Variants in RABGAP1L observed in about 807,000 individuals in gnomAD.
RABGAP1L encodes the protein rab GTPase-activating protein 1-like.
In RABGAP1L, 63 loss-of-function variants were observed where a neutral mutation model predicts 137.7. That is an observed-to-expected ratio of 0.46 (90% CI 0.37 to 0.56). RABGAP1L has a LOEUF of 0.56. Among genes scored for constraint, RABGAP1L ranks in the 20% least tolerant of loss-of-function variants. RABGAP1L has a pLI of 0.00. For synonymous variants in RABGAP1L, 431 were observed against 433.7 expected (o/e 0.99, Z 0.08); for missense variants, 1,095 against 1,244.0 (o/e 0.88, Z 1.80).
At chr1:174,751,554 A>G (rs1222820200) in intron 17 of RABGAP1L, among the ~76,000 whole-genome samples, 2 of 152,176 alleles carry the variant, frequency 1.3e-5, no homozygotes, top group African/African-American at 4.8e-5. Context: ...AACATTTCTG[A>G]TTGTTACCTT....
intron 13 of RABGAP1L, among the ~76,000 whole-genome samples, chr1:174,619,344 C>T (rs537095406): frequency 1.3e-5 from 2 of 152,146 alleles, no homozygotes; most frequent in Non-Finnish European, 2.9e-5. Flanking sequence ...TTGTCAGATT[C>T]ACCACAGTGG....
In RABGAP1L at chr1:174,438,094, G is replaced by A. The variant is rs186063092; in HGVS notation, c.1710+43949G>A. Among the ~76,000 whole-genome samples, 513 of 152,168 alleles carry A rather than the reference G, an allele frequency of 3.4e-3. 4 individuals carry two copies. Among genetic ancestry groups the A allele is most frequent in the Non-Finnish European group, 5.7e-3 (389 of 67,994 alleles). ...GCACTAAACATGGAAAGGAACAACCGGTACCAGCCACTGCAAAAACATGCC... is the reference window on the plus strand; with the variant it reads ...GCACTAAACATGGAAAGGAACAACCAGTACCAGCCACTGCAAAAACATGCC... On this transcript the variant is annotated intron_variant, in intron 13 of 25. Coordinates refer to ENST00000681986, the MANE Select transcript of RABGAP1L (RefSeq NM_001366446.1).
At position 174,634,445 on chromosome 1, in the gene RABGAP1L, A is replaced by T. The variant is rs1208975467; in HGVS notation, c.1711-2930A>T. On this transcript the variant is annotated intron_variant, in intron 13 of 25. Transcript: ENST00000681986. ...TTTTACACTGTTGGTGGGACTGTAA[A>T]CTAGTTCAACCATTGTGGAAGTCAG... 5.8e-4 allele frequency among the ~76,000 whole-genome samples: 74 copies of T among 127,464 alleles called. 1 individual carries two copies. Among genetic ancestry groups the T allele is most frequent in the South Asian group, 1.4e-3 (5 of 3,478 alleles). 83.6% of individuals were successfully genotyped at this position (127,464 alleles called of 152,430 possible). A position where few individuals can be genotyped will look rare whatever the true frequency, so the allele number is the denominator to read the frequency against.
At chr1:174,946,489 T>TA (rs1372238708) in intron 19 of RABGAP1L, among the ~76,000 whole-genome samples, 1 of 152,106 alleles carries the variant, frequency 6.6e-6, no homozygotes, top group African/African-American at 2.4e-5. Context: ...CAAAAGCCTA[T>TA]AGGGTCTGTC....
At chr1:174,967,135 A>G (rs1238563038) in intron 20 of RABGAP1L, among the ~76,000 whole-genome samples, 1 of 151,494 alleles carries the variant, frequency 6.6e-6, no homozygotes, top group Non-Finnish European at 1.5e-5. Context: ...AAGGCAGCGT[A>G]AGCATTTCCT....
At chr1:174,327,984 C>CATATATATATATATATATATAT (rs1314813386) in intron 11 of RABGAP1L, among the ~76,000 whole-genome samples, 1 of 37,862 alleles carries the variant, frequency 2.6e-5, no homozygotes, top group African/African-American at 1.1e-4. Flanking sequence ...TATATACACA[C>CATATATATATATATATATATAT]ACATATATAT....
intron 13 of RABGAP1L, among the ~76,000 whole-genome samples, chr1:174,455,130 A>G (rs1200004820): frequency 6.6e-6 from 1 of 152,212 alleles, no homozygotes. Flanking sequence ...TGAAAGGCAC[A>G]TATCACCACC....
At chr1:174,728,831 G>T (rs1009523447) in intron 17 of RABGAP1L, among the ~76,000 whole-genome samples, 1 of 152,070 alleles carries the variant, frequency 6.6e-6, no homozygotes, top group African/African-American at 2.4e-5. Flanking sequence ...AGTAGAGACA[G>T]GGTTTCACCA....
At chr1:174,790,771 G>A (rs1687793676) in intron 18 of RABGAP1L, among the ~76,000 whole-genome samples, 1 of 151,682 alleles carries the variant, frequency 6.6e-6, no homozygotes, top group African/African-American at 2.4e-5. Flanking sequence ...CCATGAGTGT[G>A]TGTGTGTGTG....
At chr1:174,201,201 C>G (rs781057939) in intron 1 of RABGAP1L, among the ~76,000 whole-genome samples, 5 of 151,934 alleles carry the variant, frequency 3.3e-5, no homozygotes, top group Non-Finnish European at 5.9e-5. Flanking sequence ...AGCAGTAATC[C>G]GTCGCAGGCT....
At chr1:174,628,066 T>A (rs530914832) in intron 13 of RABGAP1L, among the ~76,000 whole-genome samples, 2 of 152,340 alleles carry the variant, frequency 1.3e-5, no homozygotes, top group African/African-American at 2.4e-5. Context: ...CCTATCCTTC[T>A]TCTGGACATA....
intron 1 of RABGAP1L, among the ~76,000 whole-genome samples, chr1:174,162,702 T>C (rs1354349649): frequency 1.3e-5 from 2 of 151,130 alleles, no homozygotes; most frequent in Admixed American, 6.6e-5. Context: ...GGGTCAGCCG[T>C]TGAGTCTGAG....
At chr1:174,315,461 C>G (rs1030151567) in intron 11 of RABGAP1L, among the ~76,000 whole-genome samples, 2 of 152,052 alleles carry the variant, frequency 1.3e-5, no homozygotes, top group East Asian at 3.8e-4. Context: ...CAGTCTGTGT[C>G]TTTTGATTGG....
At position 174,219,177 on chromosome 1, in the gene RABGAP1L, TACAGAAGGTTAGTG is replaced by T; in HGVS notation, c.21_34del (p.Gln8IlefsTer3). On this transcript the variant is annotated frameshift_variant, in exon 2 of 26. Transcript: ENST00000681986. LOFTEE classifies it high-confidence loss of function. ...ACTGAAATGGAGGTCAGAGCTTCAT[TACAGAAGGTTAGTG>T]GATCATCTGATTCTGTGGCTACAAT... 1.2e-6 allele frequency: 2 copies of T among 1,603,742 alleles called. No homozygotes were observed. Among genetic ancestry groups the T allele is most frequent in the Non-Finnish European group, 1.7e-6 (2 of 1,175,326 alleles).
At chr1:174,580,733 A>G (rs1267376667) in intron 13 of RABGAP1L, among the ~76,000 whole-genome samples, 1 of 152,220 alleles carries the variant, frequency 6.6e-6, no homozygotes, top group Non-Finnish European at 1.5e-5. Context: ...ATACATATGT[A>G]ACTAACCTGC....
chr1:174,370,827 A>G, intron 11 of RABGAP1L, 152 bp from the exon 12 acceptor site: 1 of 389,056 alleles, frequency 2.6e-6, no homozygotes. Flanking sequence ...AGATAAATTA[A>G]TGAAATTCTT....
chr1:174,823,519 T>C (rs1691253329), intron 19 of RABGAP1L, among the ~76,000 whole-genome samples: 1 of 152,316 alleles, frequency 6.6e-6, no homozygotes, highest in East Asian at 1.9e-4. Flanking sequence ...AACATTCCTC[T>C]GAACCCTTGT....
At chr1:174,442,304 C>T (rs1005001003) in intron 13 of RABGAP1L, among the ~76,000 whole-genome samples, 2 of 151,880 alleles carry the variant, frequency 1.3e-5, no homozygotes, top group Admixed American at 6.5e-5. Context: ...CAAAATATTT[C>T]CCTATAAAAT....
intron 13 of RABGAP1L, among the ~76,000 whole-genome samples, chr1:174,619,160 G>C (rs1367465308): frequency 6.6e-6 from 1 of 152,176 alleles, no homozygotes; most frequent in Non-Finnish European, 1.5e-5. Flanking sequence ...AAATCTACGT[G>C]TGACAGGTGT....
Sources: allele counts gnomAD v4.1 joint callset (sites outside exome capture counted in the v4.1 genomes callset), GRCh38; gene constraint gnomAD v4.1.1; transcripts MANE v1.5; gene names NCBI Gene and HGNC (gene_info 2026-07-23, HGNC 2026-07-21).